Variants in BPIFB3 observed in about 807,000 individuals in gnomAD.
BPIFB3 encodes the protein BPI fold containing family B member 3.
A neutral mutation model predicts 53.1 loss-of-function variants in BPIFB3; 49 were observed. That is an observed-to-expected ratio of 0.92 (90% confidence interval 0.73 to 1.17). BPIFB3 has a LOEUF of 1.17. Ranked by LOEUF, BPIFB3 falls within the 50% of genes most tolerant of loss-of-function variation. The pLI is 0.00. For missense variants in BPIFB3, 628 were observed against 592.5 expected (o/e 1.06, Z -0.62); for synonymous variants, 271 against 269.6 (o/e 1.01, Z -0.05).
chr20:33,064,352 G>T, intron 6 of BPIFB3, 105 bp from the exon 8 acceptor site: 1 of 913,654 alleles, frequency 1.1e-6, no homozygotes, highest in East Asian at 2.5e-5. Context: ...TGAATGCTTA[G>T]TAGAGTGCTA....
At chr20:33,060,769 T>TTAATA (rs1980422044) in intron 4 of BPIFB3, among the ~76,000 whole-genome samples, 1 of 152,166 alleles carries the variant, frequency 6.6e-6, no homozygotes. Flanking sequence ...TTCACCATGT[T>TTAATA]GGCCAGGCTG....
chr20:33,059,285 G>T, intron 2 of BPIFB3, 93 bp from the exon 4 acceptor site: 1 of 834,532 alleles, frequency 1.2e-6, no homozygotes, highest in Non-Finnish European at 2.0e-6. Flanking sequence ...TGGGTTTGAG[G>T]TGAGATAGGG....
At chr20:33,055,696 A>G (rs1980170578) in intron 1 of BPIFB3, 149 bp downstream of exon 2, 1 of 1,208,432 alleles carries the variant, frequency 8.3e-7, no homozygotes, top group Non-Finnish European at 1.1e-6. Flanking sequence ...GTAGCTGTGC[A>G]GGAGTGAAAG....
chr20:33,057,250 A>G (rs1340060944), intron 2 of BPIFB3, among the ~76,000 whole-genome samples: 1 of 151,752 alleles, frequency 6.6e-6, no homozygotes, highest in African/African-American at 2.4e-5. Context: ...GTGCAGTGGC[A>G]TGATCTCGGC....
intron 5 of BPIFB3, among the ~76,000 whole-genome samples, 174 bp from the exon 7 acceptor site, chr20:33,063,441 A>G (rs1535232): frequency 0.043 from 6,475 of 152,280 alleles, 201 homozygotes; most frequent in Non-Finnish European, 0.058. Context: ...TGACACCTCA[A>G]GCCCCCAGCC....
At chr20:33,070,438 G>A (rs529036774) in intron 11 of BPIFB3, among the ~76,000 whole-genome samples, 26 of 152,230 alleles carry the variant, frequency 1.7e-4, no homozygotes, top group Admixed American at 5.9e-4. Context: ...TCATCTACAC[G>A]CACAGTACTT....
In BPIFB3 at chr20:33,060,060, C is replaced by T. The variant is rs113977937; in HGVS notation, c.527+29C>T. On this transcript the variant is annotated intron_variant, in intron 4 of 14. Transcript: ENST00000375494. ...AGTCTGCAGGTTCCAGCCTGCAACC[C>T]TGACCCGCTCAGGATCATCTCGCAC... is the stretch of plus-strand genomic sequence containing the variant. The T allele has an allele frequency of 9.3e-6, 15 of 1,609,006 alleles. No individual in the cohort carries two copies. The African/African-American group carries it at 1.3e-4, about 14-fold the overall frequency.
At chr20:33,067,478 G>A (rs1018017844) in intron 9 of BPIFB3, among the ~76,000 whole-genome samples, 3 of 152,216 alleles carry the variant, frequency 2.0e-5, no homozygotes, top group Non-Finnish European at 2.9e-5. Flanking sequence ...TCACCAGAGA[G>A]GATGGAAATG....
intron 9 of BPIFB3, among the ~76,000 whole-genome samples, chr20:33,067,990 T>A (rs1600543372): frequency 3.3e-5 from 5 of 152,216 alleles, no homozygotes; most frequent in South Asian, 4.1e-4. Context: ...TGTAATTTCC[T>A]TAGTCTCATG....
chr20:33,073,768 C>A (rs983873741), downstream of BPIFB3: 8 of 744,208 alleles, frequency 1.1e-5, no homozygotes, highest in African/African-American at 1.4e-4. Flanking sequence ...CCTGGCTAAT[C>A]ATAGAACTGC....
At chr20:33,065,512 G>GA (rs1980631989) in intron 8 of BPIFB3, among the ~76,000 whole-genome samples, 1 of 145,574 alleles carries the variant, frequency 6.9e-6, no homozygotes, top group Non-Finnish European at 1.5e-5. Context: ...CCTTGTCTCA[G>GA]AAAAAGAGAA....
chr20:33,065,156 A>G (rs1475714903), intron 8 of BPIFB3, among the ~76,000 whole-genome samples: 1 of 152,160 alleles, frequency 6.6e-6, no homozygotes, highest in Non-Finnish European at 1.5e-5. Flanking sequence ...CACTTTCCAT[A>G]CCTGTATCAG....
At chr20:33,063,237 C>G (rs116778975) in intron 5 of BPIFB3, among the ~76,000 whole-genome samples, 1 of 152,174 alleles carries the variant, frequency 6.6e-6, no homozygotes, top group Non-Finnish European at 1.5e-5. Flanking sequence ...CCAGTGCCCA[C>G]GTAGAATGGC....
At chr20:33,064,934 C>A in intron 8 of BPIFB3, 89 bp downstream of exon 9, 1 of 1,383,504 alleles carries the variant, frequency 7.2e-7, no homozygotes, top group Non-Finnish European at 9.8e-7. Flanking sequence ...CCTGATCAGC[C>A]TTGCTGAGCC....
chr20:33,066,981 G>T (rs1980696456), intron 9 of BPIFB3, 104 bp downstream of exon 10: 2 of 1,151,012 alleles, frequency 1.7e-6, no homozygotes, highest in South Asian at 1.3e-5. Context: ...AACTGCAATT[G>T]AACAGTTGAG....
Position 33,059,462 on chromosome 20 carries a change from A to G in BPIFB3, c.366A>G (p.Lys122=), listed in dbSNP as rs143710366. 2.7e-5 allele frequency: 44 copies of G among 1,611,836 alleles called. No individual in the cohort carries two copies. In the African/African-American group the frequency reaches 5.1e-4, roughly 19 times the overall value. The stretch of plus-strand genomic sequence containing the variant: ...GGGTGCAGCTGAGCCTGCACACCAA[A>G]GTGGGCATGCATTGCTCTGGGTGAG... The change falls in exon 3 of 15, where the codon AAA becomes AAG. Residue 122 remains lysine, a synonymous_variant. Transcript: ENST00000375494.
intron 12 of BPIFB3, among the ~76,000 whole-genome samples, 192 bp downstream of exon 13, chr20:33,071,487 G>A (rs927252835): frequency 2.0e-5 from 3 of 151,890 alleles, no homozygotes; most frequent in African/African-American, 4.8e-5. Context: ...TGGGCAGTGG[G>A]GAGAGAGAGA....
intron 6 of BPIFB3, among the ~76,000 whole-genome samples, chr20:33,064,122 A>G (rs149522736): frequency 6.6e-6 from 1 of 152,316 alleles, no homozygotes; most frequent in Non-Finnish European, 1.5e-5. Context: ...AAAATATAAA[A>G]AGGCACAACC....
chr20:33,055,474 G>A, exon 1 of BPIFB3: 1 of 1,613,760 alleles, frequency 6.2e-7, no homozygotes, highest in East Asian at 2.2e-5. Flanking sequence ...TCTGGGGCCT[G>A]GCGACTCCAT....
Sources: allele counts gnomAD v4.1 joint callset (sites outside exome capture counted in the v4.1 genomes callset), GRCh38; gene constraint gnomAD v4.1.1; transcripts MANE v1.5; gene names NCBI Gene and HGNC (gene_info 2026-07-23, HGNC 2026-07-21).